The following TNNT3 variants were observed in gnomAD, a reference collection of about 807,000 sequenced individuals.
TNNT3 encodes the protein troponin T3, fast skeletal type, also known as troponin T, fast skeletal muscle.
In TNNT3, 36 loss-of-function variants were observed where a neutral mutation model predicts 54.2. That is an observed-to-expected ratio of 0.66 (90% CI 0.51 to 0.88). The LOEUF (loss-of-function observed/expected upper bound fraction) is 0.88. Ranked by LOEUF, TNNT3 falls within the 40% of genes least tolerant of loss-of-function variation. The pLI is 0.00. For missense variants in TNNT3, 291 were observed against 331.6 expected (o/e 0.88, Z 0.95); for synonymous variants, 120 against 109.7 (o/e 1.09, Z -0.59).
intron 8 of TNNT3, among the ~76,000 whole-genome samples, chr11:1,931,697 T>C (rs1280328319): frequency 1.3e-5 from 2 of 151,898 alleles, no homozygotes; most frequent in East Asian, 3.8e-4. Context: ...TTTTAGTCTT[T>C]TTTTTTTGCC....
chr11:1,929,735 A>G, intron 7 of TNNT3, 75 bp from the exon 8 acceptor site: 1 of 1,519,098 alleles, frequency 6.6e-7, no homozygotes, highest in Non-Finnish European at 8.9e-7. Flanking sequence ...CAGGCCGCCC[A>G]GTCTCACCCA....
chr11:1,931,823 C>T (rs1339453133), intron 8 of TNNT3, among the ~76,000 whole-genome samples: 2 of 151,710 alleles, frequency 1.3e-5, no homozygotes, highest in Non-Finnish European at 2.9e-5. Flanking sequence ...CTTAGGAAAC[C>T]CTTTCCTGCT....
chr11:1,934,367 G>T lies in TNNT3; in HGVS notation c.402G>T (p.Lys134Asn), dbSNP rs1342043402. 6.2e-6 allele frequency: 10 copies of T among 1,613,826 alleles called. No homozygotes were observed. The highest frequency in any genetic ancestry group is 1.3e-5 in the African/African-American group (1 of 74,938). Residue 134 changes from lysine to asparagine, a missense_variant, in exon 12 of 16, where the codon AAG becomes AAT. By Grantham distance (94) the Lys-to-Asn change is moderately conservative. Transcript: ENST00000278317. ...EKARREEEDA[K>N]RRAEDDLKKK... ...CCAGAAGGGAGGAGGAGGATGCCAA[G>T]AGGAGGGCAGAGGACGACCTGAAGA... is the stretch of plus-strand genomic sequence containing the variant.
rs751471487 is a variant in TNNT3 at position 1,929,137 on chromosome 11, G to A, written c.100G>A (p.Ala34Thr). ...EVQEDTAEED[A>T]EEEKPRPKLT... is the part of the protein sequence containing the mutation. ...CCTGGAAGACACCGCAGAGGAGGAC[G>A]CGGAAGGTAAGGGCCCGTCCCTGCC... Residue 34 changes from alanine to threonine, a missense_variant, in exon 7 of 16, where the codon GCG becomes ACG. Coordinates refer to ENST00000278317, the MANE Select transcript of TNNT3 (RefSeq NM_006757.4). 1.2e-5 allele frequency: 20 copies of A among 1,612,954 alleles called. No homozygotes were observed. Among genetic ancestry groups the A allele is most frequent in the South Asian group, 5.5e-5 (5 of 91,092 alleles).
chr11:1,923,636 T>A, intron 4 of TNNT3, 64 bp downstream of exon 4: 1 of 1,038,862 alleles, frequency 9.6e-7, no homozygotes, highest in Non-Finnish European at 1.3e-6. Context: ...CCCTCTCCCG[T>A]GTGGCGCTCA....
At chr11:1,922,753 C>T in intron 1 of TNNT3, 104 bp from the exon 2 acceptor site, 3 of 1,183,648 alleles carry the variant, frequency 2.5e-6, no homozygotes, top group Non-Finnish European at 3.7e-6. Context: ...CCCGCGGTCC[C>T]CCACAGCGCT....
chr11:1,938,011 C>A (rs919351928), intron 15 of TNNT3, among the ~76,000 whole-genome samples: 1 of 152,228 alleles, frequency 6.6e-6, no homozygotes, highest in African/African-American at 2.4e-5. Flanking sequence ...CAGCTCCTCC[C>A]GGCTCGTGGC....
chr11:1,936,170 C>T (rs1854963697), intron 14 of TNNT3: 2 of 1,611,746 alleles, frequency 1.2e-6, no homozygotes, highest in Admixed American at 1.7e-5. Flanking sequence ...GGCCTCGATG[C>T]CCCAGCCGCC....
chr11:1,934,091 T>C, intron 11 of TNNT3, 83 bp downstream of exon 11: 2 of 1,426,064 alleles, frequency 1.4e-6, no homozygotes, highest in Non-Finnish European at 1.9e-6. Context: ...GCCTTCCTTC[T>C]CCCGGGGTTC....
At chr11:1,929,908 G>A in intron 8 of TNNT3, 80 bp downstream of exon 8, 1 of 1,522,696 alleles carries the variant, frequency 6.6e-7, no homozygotes, top group Non-Finnish European at 8.9e-7. Context: ...GGTCCTGGCA[G>A]GCCCAGTGCC....
At chr11:1,924,971 C>A (rs1374797232) in intron 4 of TNNT3, 128 bp from the exon 5 acceptor site, 3 of 1,036,188 alleles carry the variant, frequency 2.9e-6, no homozygotes, top group Non-Finnish European at 4.5e-6. Flanking sequence ...GCCAAGCGAG[C>A]CCCAGGCCCT....
intron 14 of TNNT3, chr11:1,935,163 G>A: frequency 1.7e-6 from 1 of 590,034 alleles, no homozygotes; most frequent in South Asian, 1.9e-5. Context: ...GGCCCCTTTG[G>A]GCGGCCTTGG....
intron 11 of TNNT3, among the ~76,000 whole-genome samples, 162 bp downstream of exon 11, chr11:1,934,170 A>T (rs959193494): frequency 6.6e-6 from 1 of 152,246 alleles, no homozygotes; most frequent in Non-Finnish European, 1.5e-5. Flanking sequence ...CCCTTGCCAG[A>T]AAACAAATCC....
rs372946730 is a variant in TNNT3 at position 1,923,476 on chromosome 11, A to C, written c.32-79A>C. ...GCTGGCCTGTCCAGGGCCGGGACAC[A>C]CTGGCCTCTCATCCTCCTCCTCCCT... On this transcript the variant is annotated intron_variant, in intron 3 of 15. Coordinates refer to ENST00000278317, the MANE Select transcript of TNNT3 (RefSeq NM_006757.4). 379 of 1,488,762 alleles carry C rather than the reference A, an allele frequency of 2.5e-4. No homozygotes were observed. In the African/African-American group the frequency reaches 4.3e-3, roughly 17 times the overall value. 92.2% of individuals were successfully genotyped at this position (1,488,762 alleles called of 1,614,324 possible).
chr11:1,938,635 C>T lies in TNNT3; in HGVS notation c.*143C>T, dbSNP rs555650754. Reference sequence around the variant, plus strand: ...TGGGGGTGGAGAGGCCATCCCGGGGCGTCCCCCGCGTCTGTGTCCTTGCTG... The same window carrying T: ...TGGGGGTGGAGAGGCCATCCCGGGGTGTCCCCCGCGTCTGTGTCCTTGCTG... On this transcript the variant is annotated 3_prime_UTR_variant, in exon 16 of 16. Transcript: ENST00000278317. The T allele has an allele frequency of 7.3e-6, 6 of 817,192 alleles. No homozygotes were observed. The highest frequency in any genetic ancestry group is 1.4e-5 in the South Asian group (1 of 69,282). 50.6% of individuals were successfully genotyped at this position (817,192 alleles called of 1,614,324 possible). A position where few individuals can be genotyped will look rare whatever the true frequency, so the allele number is the denominator to read the frequency against.
rs1199160605 is a variant in TNNT3, at chr11:1,934,020, A to G, written c.366+12A>G. ...AGAACAGACTGGCGGTGAGGGCACC[A>G]TCCGCACTGCTGCCTCATCAGAGAA... On this transcript the variant is annotated intron_variant, in intron 11 of 15. Coordinates refer to ENST00000278317, the MANE Select transcript of TNNT3 (RefSeq NM_006757.4). 1 of 1,609,970 alleles carries G rather than the reference A, an allele frequency of 6.2e-7. No individual in the cohort carries two copies. Among genetic ancestry groups the G allele is most frequent in the Non-Finnish European group, 8.5e-7 (1 of 1,178,574 alleles).
rs1854494428 is a variant in TNNT3 at position 1,934,822 on chromosome 11, GC to G, written c.591-3del. 1 of 1,613,100 alleles carries G rather than the reference GC, an allele frequency of 6.2e-7. No individual in the cohort carries two copies. The highest frequency in any genetic ancestry group is 1.7e-5 in the Admixed American group (1 of 60,010). On this transcript the variant is annotated splice_region_variant and splice_polypyrimidine_tract_variant and intron_variant, in intron 13 of 15. Transcript: ENST00000278317. ...TCAACGAAGCCTCACCACTTCCTCT[GC>G]CCCAGGGACAAGGCCAAGGAGCTCT...
chr11:1,933,529 C>A (rs991925064), intron 9 of TNNT3, among the ~76,000 whole-genome samples, 192 bp from the exon 10 acceptor site: 3 of 152,196 alleles, frequency 2.0e-5, no homozygotes, highest in African/African-American at 7.2e-5. Flanking sequence ...ACCCTCGGCC[C>A]CTATGAGGAT....
At chr11:1,924,917 G>A (rs985419464) in intron 4 of TNNT3, 182 bp from the exon 5 acceptor site, 11 of 712,770 alleles carry the variant, frequency 1.5e-5, no homozygotes, top group African/African-American at 7.0e-5. Context: ...CGTGCTCCCC[G>A]GGGCTGGCCA....
Sources: gnomAD v4.1 joint callset for allele counts (sites outside exome capture counted in the v4.1 genomes callset) on GRCh38, gnomAD v4.1.1 for gene constraint, MANE v1.5 for transcripts, NCBI Gene and HGNC (gene_info 2026-07-23, HGNC 2026-07-21) for gene names.